Variants in IL1RAPL1 observed in about 807,000 individuals in gnomAD.
IL1RAPL1 encodes the protein interleukin 1 receptor accessory protein like 1.
In IL1RAPL1, 3 loss-of-function variants were observed where a neutral mutation model predicts 48.4. That is an observed-to-expected ratio of 0.06 (90% CI 0.03 to 0.16). The LOEUF is 0.16. Ranked by LOEUF, IL1RAPL1 falls within the 10% of genes least tolerant of loss-of-function variation. The pLI is 1.00. For missense variants in IL1RAPL1, 349 were observed against 530.6 expected (o/e 0.66, Z 3.36); for synonymous variants, 185 against 187.7 (o/e 0.99, Z 0.12).
chrX:28,880,785 T>C (rs765546123), intron 2 of IL1RAPL1, among the ~76,000 whole-genome samples: 9 of 111,602 alleles, frequency 8.1e-5, no homozygotes, highest in Admixed American at 1.9e-4. Flanking sequence ...TTTATAACTA[T>C]AAATTTTGTC....
chrX:28,879,992 C>T (rs1188609101), intron 2 of IL1RAPL1, among the ~76,000 whole-genome samples: 2 of 111,880 alleles, frequency 1.8e-5, no homozygotes, highest in East Asian at 2.8e-4. Flanking sequence ...AACATTATGG[C>T]AGGCTCTGTT....
chrX:29,043,384 T>A (rs1926886945), intron 2 of IL1RAPL1, among the ~76,000 whole-genome samples: 1 of 110,988 alleles, frequency 9.0e-6, no homozygotes, highest in African/African-American at 3.3e-5. Context: ...CCAGATGTGA[T>A]CTTTTTTTTT....
chrX:29,113,200 A>G (rs948833060), intron 2 of IL1RAPL1, among the ~76,000 whole-genome samples: 2 of 112,114 alleles, frequency 1.8e-5, no homozygotes, highest in African/African-American at 6.5e-5. Flanking sequence ...ATTTAGCCCT[A>G]TGTAAATGAA....
chrX:29,197,315 A>T (rs5985972), intron 2 of IL1RAPL1, among the ~76,000 whole-genome samples: 64,622 of 110,578 alleles, frequency 0.58, 16,939 homozygotes, highest in Non-Finnish European at 0.83. Flanking sequence ...ACAATCCATG[A>T]TTTTTAAATG....
rs747324856 is a variant in IL1RAPL1, at chrX:28,844,233, C to T, written c.82+54808C>T. 2.5e-3 allele frequency among the ~76,000 whole-genome samples: 265 copies of T among 105,329 alleles called. 2 individuals carry two copies. The highest frequency in any genetic ancestry group is 8.5e-3 in the African/African-American group (247 of 29,023). The allele number at this position is 105,329 out of a possible 115,157, so 91.5% of individuals were successfully genotyped here. On this transcript the variant is annotated intron_variant, in intron 2 of 10. Coordinates refer to ENST00000378993, the MANE Select transcript of IL1RAPL1 (RefSeq NM_014271.4). ...CCAAAGTTCCCAAAAAAGGTGGGAA[C>T]GGAACGTAAACCCCCACCAAATTTG...
chrX:28,766,558 T>A (rs908654205), intron 1 of IL1RAPL1, among the ~76,000 whole-genome samples: 1 of 111,142 alleles, frequency 9.0e-6, no homozygotes, highest in African/African-American at 3.3e-5. Context: ...TTACACTCTT[T>A]TAGTTGTTTT....
chrX:28,757,800 C>T (rs1382290650), intron 1 of IL1RAPL1, among the ~76,000 whole-genome samples: 3 of 111,899 alleles, frequency 2.7e-5, no homozygotes, highest in Non-Finnish European at 3.8e-5. Flanking sequence ...ACTCTTTAGT[C>T]GACGTTCCAT....
intron 5 of IL1RAPL1, among the ~76,000 whole-genome samples, chrX:29,528,616 C>T (rs1412632579): frequency 2.7e-5 from 3 of 112,227 alleles, no homozygotes; most frequent in Non-Finnish European, 5.6e-5. Context: ...CACTTGACCT[C>T]CTCCATAAAC....
intron 3 of IL1RAPL1, among the ~76,000 whole-genome samples, chrX:29,374,401 G>A: frequency 9.6e-6 from 1 of 103,974 alleles, no homozygotes. Context: ...GGCACAATGG[G>A]CTCAAGCAAT....
At chrX:29,825,071 T>C (rs1292073504) in intron 6 of IL1RAPL1, among the ~76,000 whole-genome samples, 2 of 111,397 alleles carry the variant, frequency 1.8e-5, no homozygotes, top group Non-Finnish European at 3.8e-5. Flanking sequence ...TGGAAGGAAC[T>C]TTCTCAGCTG....
At chrX:28,665,026 A>G in intron 1 of IL1RAPL1, among the ~76,000 whole-genome samples, 1 of 112,352 alleles carries the variant, frequency 8.9e-6, no homozygotes, top group East Asian at 2.8e-4. Flanking sequence ...GACAAAATAA[A>G]TAATGTCCAT....
intron 6 of IL1RAPL1, among the ~76,000 whole-genome samples, chrX:29,786,708 A>G (rs1929508283): frequency 8.9e-6 from 1 of 111,852 alleles, no homozygotes; most frequent in African/African-American, 3.3e-5. Flanking sequence ...AGTTATTGCA[A>G]TGTGCTGGAT....
intron 2 of IL1RAPL1, among the ~76,000 whole-genome samples, chrX:28,804,973 A>G (rs1445005942): frequency 9.0e-6 from 1 of 111,446 alleles, no homozygotes; most frequent in Non-Finnish European, 1.9e-5. Flanking sequence ...GATGGGAGCC[A>G]TATCACAAGG....
intron 1 of IL1RAPL1, among the ~76,000 whole-genome samples, chrX:28,619,402 C>T (rs1411321129): frequency 1.8e-5 from 2 of 109,292 alleles, no homozygotes; most frequent in African/African-American, 6.7e-5. Flanking sequence ...CAAGACCAGC[C>T]TGGGTAACAT....
chrX:28,747,161 T>G (rs777170832), intron 1 of IL1RAPL1, among the ~76,000 whole-genome samples: 1 of 111,362 alleles, frequency 9.0e-6, no homozygotes, highest in South Asian at 3.8e-4. Flanking sequence ...TGCCTGATAT[T>G]TTGCTCCTAT....
At chrX:29,124,159 C>A (rs1217700970) in intron 2 of IL1RAPL1, among the ~76,000 whole-genome samples, 1 of 111,679 alleles carries the variant, frequency 9.0e-6, no homozygotes, top group African/African-American at 3.3e-5. Flanking sequence ...CTTAAAAGAT[C>A]AAAATATGAA....
In IL1RAPL1 at chrX:28,910,212, C is replaced by G. The variant is rs1228300294; in HGVS notation, c.82+120787C>G. On this transcript the variant is annotated intron_variant, in intron 2 of 10. Coordinates refer to ENST00000378993, the MANE Select transcript of IL1RAPL1 (RefSeq NM_014271.4). The stretch of plus-strand genomic sequence containing the variant: ...CTCTGACATGAAAGGAAGCCTTTCT[C>G]CCCCAAACTTCAAGGGATTTTCTTT... Among the ~76,000 whole-genome samples, 12 of 111,101 alleles carry G rather than the reference C, an allele frequency of 1.1e-4. No individual in the cohort carries two copies. In the Admixed American group the frequency reaches 1.2e-3, roughly 11 times the overall value.
intron 5 of IL1RAPL1, among the ~76,000 whole-genome samples, chrX:29,615,133 G>A (rs1461429254): frequency 9.0e-6 from 1 of 111,684 alleles, no homozygotes; most frequent in Non-Finnish European, 1.9e-5. Flanking sequence ...AATGAAGGAT[G>A]CAAAATATAG....
intron 5 of IL1RAPL1, among the ~76,000 whole-genome samples, chrX:29,664,752 G>A (rs932703654): frequency 3.6e-5 from 4 of 111,863 alleles, no homozygotes; most frequent in Non-Finnish European, 7.5e-5. Context: ...AGTGTAAAAG[G>A]GATGGGGAAA....
Sources: allele counts gnomAD v4.1 joint callset (sites outside exome capture counted in the v4.1 genomes callset), GRCh38; gene constraint gnomAD v4.1.1; transcripts MANE v1.5; gene names NCBI Gene and HGNC (gene_info 2026-07-23, HGNC 2026-07-21).